TMBIM1: variants seen among roughly 807,000 people sequenced by gnomAD.
The protein encoded by TMBIM1 is protein lifeguard 3.
TMBIM1 carries 34 observed loss-of-function variants against 45.1 expected under a neutral mutation model. The observed-to-expected ratio is 0.75, with a 90% confidence interval of 0.57 to 1.00. TMBIM1 has a LOEUF of 1.00. Ranked by LOEUF, TMBIM1 falls within the 50% of genes least tolerant of loss-of-function variation. The pLI, the probability that TMBIM1 is intolerant of heterozygous loss-of-function variation, is 0.00. For synonymous variants in TMBIM1, 157 were observed against 153.5 expected, an observed-to-expected ratio of 1.02 and a Z score of -0.17; for missense variants, 374 against 402.4, an observed-to-expected ratio of 0.93 and a Z score of 0.60.
intron 10 of TMBIM1, 21 bp downstream of exon 10, chr2:218,276,983 C>G (rs757886293): frequency 1.2e-6 from 2 of 1,608,390 alleles, no homozygotes; most frequent in Admixed American, 3.3e-5. Flanking sequence ...TCCCTGACCC[C>G]AGCTCTCCTG....
At chr2:218,282,523 G>A (rs1174918096) in intron 1 of TMBIM1, among the ~76,000 whole-genome samples, 2 of 152,236 alleles carry the variant, frequency 1.3e-5, no homozygotes, top group Non-Finnish European at 2.9e-5. Context: ...TTGGTGGCTT[G>A]ATGGCAGAAC....
chr2:218,280,464 G>T, intron 2 of TMBIM1: 1 of 323,904 alleles, frequency 3.1e-6, no homozygotes, highest in South Asian at 2.7e-5. Context: ...GCCAGCCAGG[G>T]CAGAACAGGG....
rs767952919 is a variant in TMBIM1 at position 218,280,046 on chromosome 2, G to A, written c.283C>T (p.Arg95Ter). Residue 95 changes from arginine (R) to a stop codon, truncating the protein, a stop_gained, in exon 3 of 12, where the codon CGA becomes TGA. Coordinates refer to ENST00000258412, the MANE Select transcript of TMBIM1 (RefSeq NM_022152.6). LOFTEE classifies it high-confidence loss of function. ...CTTACCTTTCGGATAAAAGTGTGTCGCACTTTCCGGTCATCCCACTCTCCA... is the reference window on the plus strand; with the variant it reads ...CTTACCTTTCGGATAAAAGTGTGTCACACTTTCCGGTCATCCCACTCTCCA... ...GPGEWDDRKV[R>*]HTFIRKVYSI... The A allele has an allele frequency of 1.9e-6, 3 of 1,613,810 alleles. No individual in the cohort carries two copies. The highest frequency in any genetic ancestry group is 2.2e-5 in the South Asian group (2 of 91,086).
In TMBIM1 at chr2:218,277,003, C is replaced by T. The variant is rs150313254; in HGVS notation, c.735+1G>A. On this transcript the variant is annotated splice_donor_variant, in intron 10 of 11. Transcript: ENST00000258412. LOFTEE classifies it high-confidence loss of function. ...GACCCCAGCTCTCCTGGGACACTCA[C>T]GTATTGGAAGTAGAGCACAATGCTA... 3.1e-6 allele frequency: 5 copies of T among 1,613,348 alleles called. No homozygotes were observed. Among genetic ancestry groups the T allele is most frequent in the East Asian group, 2.2e-5 (1 of 44,890 alleles).
intron 1 of TMBIM1, among the ~76,000 whole-genome samples, chr2:218,285,607 T>C (rs1692444652): frequency 6.6e-6 from 1 of 152,184 alleles, no homozygotes; most frequent in Non-Finnish European, 1.5e-5. Flanking sequence ...CTTTACCAAC[T>C]AGACAGCCAC....
intron 1 of TMBIM1, among the ~76,000 whole-genome samples, chr2:218,292,113 T>C (rs1170331167): frequency 6.6e-6 from 1 of 152,192 alleles, no homozygotes; most frequent in Non-Finnish European, 1.5e-5. Flanking sequence ...CCACTCGGGC[T>C]GGCATGGTGG....
intron 3 of TMBIM1, 139 bp downstream of exon 3, chr2:218,279,887 G>A (rs1348940353): frequency 4.3e-6 from 3 of 692,220 alleles, no homozygotes; most frequent in Non-Finnish European, 5.2e-6. Context: ...GCCCCTCTGA[G>A]AAGCAGACAA....
At chr2:218,282,406 T>C (rs1232402514) in intron 1 of TMBIM1, among the ~76,000 whole-genome samples, 1 of 152,184 alleles carries the variant, frequency 6.6e-6, no homozygotes, top group African/African-American at 2.4e-5. Context: ...GGCCTCTCAC[T>C]GTGCAGCTCC....
At chr2:218,277,909 C>T (rs778883470) in intron 7 of TMBIM1, 26 bp downstream of exon 7, 1 of 1,614,122 alleles carries the variant, frequency 6.2e-7, no homozygotes, top group South Asian at 1.1e-5. Flanking sequence ...CATCTCCACA[C>T]CCTCCTGCCA....
At chr2:218,291,515 TTCCCAGGCCTACTTA>T (rs1692927207) in intron 1 of TMBIM1, among the ~76,000 whole-genome samples, 2 of 152,120 alleles carry the variant, frequency 1.3e-5, no homozygotes, top group South Asian at 4.1e-4. Context: ...CTGACCTGCG[TTCCCAGGCCTACTTA>T]TCCCATGTCC....
intron 1 of TMBIM1, among the ~76,000 whole-genome samples, chr2:218,288,189 G>C (rs992215224): frequency 1.3e-5 from 2 of 152,074 alleles, no homozygotes; most frequent in African/African-American, 4.8e-5. Flanking sequence ...AGCACTTTGG[G>C]AGGCCAAGGC....
chr2:218,278,395 C>T, intron 6 of TMBIM1, 120 bp downstream of exon 6: 1 of 1,045,988 alleles, frequency 9.6e-7, no homozygotes, highest in East Asian at 2.4e-5. Context: ...TCGTCATCCT[C>T]CTCCTCATTT....
intron 11 of TMBIM1, 44 bp downstream of exon 11, chr2:218,275,982 C>T (rs576676284): frequency 1.3e-6 from 2 of 1,589,698 alleles, no homozygotes; most frequent in African/African-American, 2.7e-5. Flanking sequence ...GATTCCTCCC[C>T]TCATCCCCTC....
chr2:218,281,997 G>A lies in TMBIM1; in HGVS notation c.145C>T (p.His49Tyr), dbSNP rs200679829. 1.2e-6 allele frequency: 2 copies of A among 1,607,424 alleles called. No individual in the cohort carries two copies. The highest frequency in any genetic ancestry group is 2.7e-5 in the African/African-American group (2 of 74,920). The change falls in exon 2 of 12, where the codon CAC becomes TAC. Residue 49 changes from histidine (H) to tyrosine (Y), a missense_variant. His to Tyr is a moderately conservative substitution (Grantham distance 83). Transcript: ENST00000258412. ...ATGGGCTGTGGGTAGCCAGCAGGGTGACCGTAGCCAGGCTGCGGGTAGCCA... is the reference window on the plus strand; with the variant it reads ...ATGGGCTGTGGGTAGCCAGCAGGGTAACCGTAGCCAGGCTGCGGGTAGCCA... ...YPGYPQPGYGHPAGYPQPMPP... is the reference protein window; with the variant it reads ...YPGYPQPGYGYPAGYPQPMPP...
Position 218,274,283 on chromosome 2 carries a change from T to A in TMBIM1, c.*1192A>T, listed in dbSNP as rs1266583496. On this transcript the variant is annotated 3_prime_UTR_variant, in exon 12 of 12. Coordinates refer to ENST00000258412, the MANE Select transcript of TMBIM1 (RefSeq NM_022152.6). ...TAGGATTTCTCTATTAAGTAATTAATCCTAACTATATCCTTGGGCTGATTT... is the reference window on the plus strand; with the variant it reads ...TAGGATTTCTCTATTAAGTAATTAAACCTAACTATATCCTTGGGCTGATTT... 6.5e-6 allele frequency: 1 copy of A among 154,946 alleles called. No homozygotes were observed. Among genetic ancestry groups the A allele is most frequent in the Non-Finnish European group, 1.5e-5 (1 of 68,214 alleles). The allele number at this position is 154,946 out of a possible 1,614,324, so 9.6% of individuals were successfully genotyped here. A position where few individuals can be genotyped will look rare whatever the true frequency, so the allele number is the denominator to read the frequency against.
At chr2:218,287,496 T>C (rs919770426) in intron 1 of TMBIM1, among the ~76,000 whole-genome samples, 1 of 151,886 alleles carries the variant, frequency 6.6e-6, no homozygotes, top group African/African-American at 2.4e-5. Context: ...GATCACGAGG[T>C]CAGGAGATCA....
At chr2:218,292,396 C>T (rs1487064857) in intron 1 of TMBIM1, 70 bp downstream of exon 1, 1 of 152,296 alleles carries the variant, frequency 6.6e-6, no homozygotes, top group East Asian at 1.9e-4. Context: ...GGCGCATGGC[C>T]GCCCCAGCCC....
chr2:218,278,293 G>C (rs1691459636), intron 6 of TMBIM1: 9 of 613,654 alleles, frequency 1.5e-5, no homozygotes, highest in South Asian at 1.4e-4. Context: ...TGGCTAAAAT[G>C]CTACCTGTCT....
chr2:218,277,501 A>G (rs1401389865), intron 8 of TMBIM1, 48 bp from the exon 9 acceptor site: 4 of 1,609,848 alleles, frequency 2.5e-6, no homozygotes, highest in African/African-American at 1.3e-5. Flanking sequence ...GCCACGTATG[A>G]ATGACTTCAA....
Sources: gnomAD v4.1 joint callset for allele counts (sites outside exome capture counted in the v4.1 genomes callset) on GRCh38, gnomAD v4.1.1 for gene constraint, MANE v1.5 for transcripts, NCBI Gene and HGNC (gene_info 2026-07-23, HGNC 2026-07-21) for gene names.